HIVEP3: variants seen among roughly 807,000 people sequenced by gnomAD.
HIVEP3 encodes the protein HIVEP zinc finger 3, also known as transcription factor HIVEP3.
HIVEP3 carries 49 observed loss-of-function variants against 152.8 expected under a neutral mutation model. The observed-to-expected ratio is 0.32, with a 90% CI of 0.26 to 0.41. The LOEUF is 0.41. Among genes scored for constraint, HIVEP3 ranks in the 10% least tolerant of loss-of-function variants. The pLI is 1.00. For synonymous variants in HIVEP3, 1,269 were observed against 1,289.0 expected, an observed-to-expected ratio of 0.98 and a Z score of 0.33; for missense variants, 2,790 against 3,103.3, an observed-to-expected ratio of 0.90 and a Z score of 2.40.
intron 2 of HIVEP3, among the ~76,000 whole-genome samples, chr1:41,690,683 C>T (rs539731900): frequency 4.6e-5 from 7 of 152,064 alleles, no homozygotes; most frequent in East Asian, 1.9e-4. Flanking sequence ...TTTGGGAGGC[C>T]GAGGCAGATG....
At chr1:41,931,573 G>T (rs188740343) in intron 1 of HIVEP3, among the ~76,000 whole-genome samples, 4 of 151,852 alleles carry the variant, frequency 2.6e-5, no homozygotes, top group African/African-American at 9.7e-5. Context: ...GTTTTCATGG[G>T]GACAAACTGA....
At chr1:41,841,632 G>A (rs1318350647) in intron 1 of HIVEP3, among the ~76,000 whole-genome samples, 1 of 152,188 alleles carries the variant, frequency 6.6e-6, no homozygotes, top group Non-Finnish European at 1.5e-5. Flanking sequence ...CAAAACCGCT[G>A]ACTTCGTCCA....
intron 1 of HIVEP3, among the ~76,000 whole-genome samples, chr1:41,785,815 G>A (rs1486598789): frequency 6.6e-6 from 1 of 152,180 alleles, no homozygotes; most frequent in Non-Finnish European, 1.5e-5. Context: ...TGGCCAACAC[G>A]GTGAAATCCC....
At chr1:41,824,784 TAGAGAG>T (rs397979993) in intron 1 of HIVEP3, among the ~76,000 whole-genome samples, 14 of 11,378 alleles carry the variant, frequency 1.2e-3, no homozygotes, top group African/African-American at 9.8e-4. Flanking sequence ...TATATATATA[TAGAGAG>T]AGAGAGAGAG....
chr1:41,801,636 T>A (rs936100879), intron 1 of HIVEP3, among the ~76,000 whole-genome samples: 2 of 151,892 alleles, frequency 1.3e-5, no homozygotes, highest in African/African-American at 2.4e-5. Context: ...TCCCAGCTAC[T>A]CGGGAGGCTG....
At chr1:41,983,117 C>G (rs550007765) in intron 1 of HIVEP3, among the ~76,000 whole-genome samples, 3 of 152,332 alleles carry the variant, frequency 2.0e-5, no homozygotes, top group African/African-American at 7.2e-5. Flanking sequence ...GCTCATCTGA[C>G]AGGAGGCGGA....
intron 1 of HIVEP3, among the ~76,000 whole-genome samples, chr1:41,750,595 A>G (rs1197712415): frequency 1.3e-5 from 2 of 152,064 alleles, no homozygotes; most frequent in Admixed American, 1.3e-4. Context: ...ACTCATATTC[A>G]TTAGCTTGTA....
rs920095525 is a variant in HIVEP3 at position 41,885,657 on chromosome 1, C to T, written c.-801+32756G>A. Among the ~76,000 whole-genome samples, 36 of 152,060 alleles carry T rather than the reference C, an allele frequency of 2.4e-4. No homozygotes were observed. The East Asian group carries it at 3.3e-3, about 14-fold the overall frequency. ...CAGCCTGAGTGACAGAGTGAGACTC[C>T]GTCAAAAAATAAAATAAAATCCTTC... On this transcript the variant is annotated intron_variant, in intron 1 of 8. Transcript: ENST00000372583.
chr1:41,876,462 T>C (rs1218240480), intron 1 of HIVEP3, among the ~76,000 whole-genome samples: 1 of 152,144 alleles, frequency 6.6e-6, no homozygotes, highest in Non-Finnish European at 1.5e-5. Context: ...TAGAACCTGT[T>C]TCAGAGGACT....
chr1:41,782,856 A>G (rs1227143248), intron 1 of HIVEP3, among the ~76,000 whole-genome samples: 1 of 152,228 alleles, frequency 6.6e-6, no homozygotes, highest in East Asian at 1.9e-4. Flanking sequence ...GAGTTAAGCA[A>G]GGAAAATCTT....
At position 41,545,018 on chromosome 1, in the gene HIVEP3, T is replaced by TACC. The variant is rs1166539165; in HGVS notation, c.5208-20111_5208-20109dup. On this transcript the variant is annotated intron_variant, in intron 5 of 8. Coordinates refer to ENST00000372583, the MANE Select transcript of HIVEP3 (RefSeq NM_024503.5). ...TCGCTACCATCACCACCACCACCAC[T>TACC]ACCACCACCACCACCACCAATACCA... Among the ~76,000 whole-genome samples, 250 of 32,676 alleles carry TACC rather than the reference T, an allele frequency of 7.7e-3. 1 individual carries two copies. Among genetic ancestry groups the TACC allele is most frequent in the African/African-American group, 0.031 (239 of 7,680 alleles). The allele number at this position is 32,676 out of a possible 152,430, so 21.4% of individuals were successfully genotyped here.
chr1:42,024,097 C>T (rs1248329765), intron 1 of HIVEP3, among the ~76,000 whole-genome samples: 1 of 152,188 alleles, frequency 6.6e-6, no homozygotes, highest in Non-Finnish European at 1.5e-5. Flanking sequence ...ATCCATACAG[C>T]AAGTCCTCTG....
chr1:41,615,439 C>T (rs1024820220), intron 3 of HIVEP3, among the ~76,000 whole-genome samples: 3 of 152,204 alleles, frequency 2.0e-5, no homozygotes, highest in Middle Eastern at 3.2e-3. Context: ...AGCTAGAGGG[C>T]ACTTAAGTGG....
chr1:41,992,475 AC>A (rs1645368426), intron 1 of HIVEP3, among the ~76,000 whole-genome samples: 1 of 134,798 alleles, frequency 7.4e-6, no homozygotes, highest in South Asian at 2.7e-4. Flanking sequence ...AGAACTACAA[AC>A]CACTGCTCAA....
Position 42,006,684 on chromosome 1 carries a change from T to C in HIVEP3, n.119+29123A>G, listed in dbSNP as rs144202155. Reference sequence around the variant, plus strand: ...TCCTAAAATCTGCCCCTGCATTAAGTTTGTTGCAATGTCATAGGTCCTGTG... The same window carrying C: ...TCCTAAAATCTGCCCCTGCATTAAGCTTGTTGCAATGTCATAGGTCCTGTG... On this transcript the variant is annotated intron_variant and non_coding_transcript_variant, in intron 1 of 3. Transcript: ENST00000489103. Among the ~76,000 whole-genome samples the C allele has an allele frequency of 1.4e-4, 22 of 152,218 alleles. No homozygotes were observed. The East Asian group carries it at 4.2e-3, about 29-fold the overall frequency.
chr1:41,791,651 T>C (rs1037049498), intron 1 of HIVEP3, among the ~76,000 whole-genome samples: 1 of 152,220 alleles, frequency 6.6e-6, no homozygotes, highest in Non-Finnish European at 1.5e-5. Context: ...AAGGCTAGAC[T>C]GGCTCCCTTT....
chr1:41,728,613 C>T (rs767893674), intron 1 of HIVEP3, among the ~76,000 whole-genome samples: 9 of 152,332 alleles, frequency 5.9e-5, no homozygotes, highest in Non-Finnish European at 1.3e-4. Flanking sequence ...GCCCCACTGA[C>T]AGTTCTCAGA....
chr1:41,798,910 G>T (rs1322571938), intron 1 of HIVEP3, among the ~76,000 whole-genome samples: 2 of 152,086 alleles, frequency 1.3e-5, no homozygotes, highest in African/African-American at 4.8e-5. Context: ...ATGTAGGGTT[G>T]GGTTATGTCT....
chr1:41,648,614 T>C (rs1645498446), intron 2 of HIVEP3, among the ~76,000 whole-genome samples: 1 of 152,226 alleles, frequency 6.6e-6, no homozygotes, highest in Non-Finnish European at 1.5e-5. Flanking sequence ...TCTTTGTATG[T>C]ATTGGGATTT....
Sources: gnomAD v4.1 joint callset for allele counts (sites outside exome capture counted in the v4.1 genomes callset) on GRCh38, gnomAD v4.1.1 for gene constraint, MANE v1.5 for transcripts, NCBI Gene and HGNC (gene_info 2026-07-23, HGNC 2026-07-21) for gene names.